The following CDKL5 variants were observed in gnomAD, a reference collection of about 807,000 sequenced individuals.
The protein encoded by CDKL5 is cyclin-dependent kinase-like 5.
Under a neutral mutation model 61.7 loss-of-function variants are expected in CDKL5, and 8 were observed. The ratio of observed to expected loss-of-function variants is 0.13; its 90% CI spans 0.08 to 0.23. CDKL5 has a LOEUF of 0.23. Among genes scored for constraint, CDKL5 ranks in the 10% least tolerant of loss-of-function variants. CDKL5 has a pLI of 1.00. For missense variants in CDKL5, 440 were observed against 734.5 expected (o/e 0.60, Z 4.63); for synonymous variants, 275 against 272.3 (o/e 1.01, Z -0.10).
intron 3 of CDKL5, among the ~76,000 whole-genome samples, chrX:18,556,376 G>A (rs971796821): frequency 4.5e-5 from 5 of 111,480 alleles, no homozygotes; most frequent in Non-Finnish European, 9.4e-5. Flanking sequence ...CACATGGCTT[G>A]CAAAGACAGT....
At chrX:18,567,183 A>C (rs1924996398) in intron 4 of CDKL5, among the ~76,000 whole-genome samples, 1 of 111,074 alleles carries the variant, frequency 9.0e-6, no homozygotes, top group Middle Eastern at 4.2e-3. Context: ...TTGGTGAACA[A>C]CTCTTTTGGA....
intron 4 of CDKL5, among the ~76,000 whole-genome samples, chrX:18,573,949 G>C (rs1925213443): frequency 9.0e-6 from 1 of 111,586 alleles, no homozygotes; most frequent in African/African-American, 3.3e-5. Flanking sequence ...AAACATTCCT[G>C]GGTCTGCATT....
intron 3 of CDKL5, among the ~76,000 whole-genome samples, chrX:18,555,056 C>T (rs1179830731): frequency 2.7e-5 from 3 of 111,019 alleles, no homozygotes; most frequent in South Asian, 3.8e-4. Context: ...AATGTTTGTA[C>T]GGAAATACCA....
At chrX:18,642,250 G>T, downstream of CDKL5, 4 of 980,727 alleles carry the variant, frequency 4.1e-6, no homozygotes, top group Non-Finnish European at 5.8e-6. Flanking sequence ...TTTAACTATA[G>T]AAATGATTAG....
chrX:18,588,268 A>G, intron 9 of CDKL5, 125 bp downstream of exon 9: 1 of 526,688 alleles, frequency 1.9e-6, no homozygotes, highest in Non-Finnish European at 3.2e-6. Context: ...AGTGTTTATA[A>G]TCCCTATTAT....
In CDKL5 at chrX:18,647,339, A is replaced by G. The variant is rs2147194244; in HGVS notation, c.2797+1249A>G. ...GGCTTGTGATATGGGCATTCTGGGA[A>G]AGGAAAAAGAATTCACATTCACACA... On this transcript the variant is annotated intron_variant, in intron 20 of 21. Coordinates refer to the CDKL5 transcript ENST00000379989. 2 of 1,209,665 alleles carry G rather than the reference A, an allele frequency of 1.7e-6. No homozygotes were observed. Among genetic ancestry groups the G allele is most frequent in the Non-Finnish European group, 2.2e-6 (2 of 894,321 alleles).
At chrX:18,438,667 G>A (rs1243221198) in intron 1 of CDKL5, among the ~76,000 whole-genome samples, 6 of 106,507 alleles carry the variant, frequency 5.6e-5, no homozygotes, top group African/African-American at 2.1e-4. Context: ...GTGTGTGTCT[G>A]TAGTCCCAGC....
chrX:18,491,250 G>A (rs771859951), intron 1 of CDKL5, among the ~76,000 whole-genome samples: 19 of 112,096 alleles, frequency 1.7e-4, no homozygotes, highest in Non-Finnish European at 3.0e-4. Flanking sequence ...TTTATTTATT[G>A]AGGATTTTTG....
intron 3 of CDKL5, among the ~76,000 whole-genome samples, chrX:18,511,854 A>T (rs1196332307): frequency 8.9e-6 from 1 of 112,145 alleles, no homozygotes; most frequent in East Asian, 2.8e-4. Flanking sequence ...GAGTTTTTTT[A>T]AAAATTATTT....
chrX:18,553,681 G>A (rs1924488267), intron 3 of CDKL5, among the ~76,000 whole-genome samples: 1 of 111,204 alleles, frequency 9.0e-6, no homozygotes, highest in Non-Finnish European at 1.9e-5. Flanking sequence ...TTTTAGTAGA[G>A]ATGGGGTTTT....
At chrX:18,526,388 G>A (rs763267605) in intron 3 of CDKL5, among the ~76,000 whole-genome samples, 1 of 111,493 alleles carries the variant, frequency 9.0e-6, no homozygotes, top group South Asian at 3.7e-4. Context: ...AGACAGTCAT[G>A]TCATCTGTGA....
chrX:18,490,160 TC>T (rs1357583082), intron 1 of CDKL5, among the ~76,000 whole-genome samples: 1 of 111,531 alleles, frequency 9.0e-6, no homozygotes, highest in Non-Finnish European at 1.9e-5. Flanking sequence ...ATTTGGCTGT[TC>T]CTGAGTTGTA....
intron 11 of CDKL5, among the ~76,000 whole-genome samples, chrX:18,599,722 T>C (rs2147157050): frequency 8.9e-6 from 1 of 112,602 alleles, no homozygotes; most frequent in Non-Finnish European, 1.9e-5. Context: ...CCCCATGTGC[T>C]GGAGTTACAG....
intron 1 of CDKL5, among the ~76,000 whole-genome samples, chrX:18,452,519 G>A (rs1475383020): frequency 4.5e-5 from 5 of 110,037 alleles, no homozygotes; most frequent in African/African-American, 6.6e-5. Flanking sequence ...TCCGACTCCC[G>A]CATTCAAGCG....
intron 4 of CDKL5, among the ~76,000 whole-genome samples, chrX:18,569,762 T>C (rs1925080732): frequency 9.0e-6 from 1 of 111,178 alleles, no homozygotes. Context: ...GACTTTTCCA[T>C]CTTTCCTTAA....
At chrX:18,553,463 T>C (rs931803562) in intron 3 of CDKL5, among the ~76,000 whole-genome samples, 11 of 99,078 alleles carry the variant, frequency 1.1e-4, no homozygotes, top group African/African-American at 3.2e-4. Context: ...TGTGTGTGTG[T>C]GCGTGTGTGT....
intron 20 of CDKL5, among the ~76,000 whole-genome samples, chrX:18,647,924 G>A (rs1927854547): frequency 9.0e-6 from 1 of 111,676 alleles, no homozygotes; most frequent in Non-Finnish European, 1.9e-5. Context: ...GTGCTTGGGG[G>A]ACTGTTGAGT....
At chrX:18,614,729 A>G (rs932820623) in intron 15 of CDKL5, among the ~76,000 whole-genome samples, 24 of 112,533 alleles carry the variant, frequency 2.1e-4, no homozygotes, top group African/African-American at 7.7e-4. Flanking sequence ...CTGCGAATTA[A>G]CGTGAGAACA....
chrX:18,647,412 C>T (rs1927830462), intron 20 of CDKL5: 9 of 1,079,297 alleles, frequency 8.3e-6, no homozygotes, highest in East Asian at 6.0e-5. Context: ...ACAAAACAAA[C>T]CCATCTGCTT....
Sources: gnomAD v4.1 joint callset for allele counts (sites outside exome capture counted in the v4.1 genomes callset) on GRCh38, gnomAD v4.1.1 for gene constraint, MANE v1.5 for transcripts, NCBI Gene and HGNC (gene_info 2026-07-23, HGNC 2026-07-21) for gene names.